The following DCAF5 variants were observed in gnomAD, a reference collection of about 807,000 sequenced individuals.
DCAF5 encodes the protein DDB1- and CUL4-associated factor 5.
Under a neutral mutation model 80.7 loss-of-function variants are expected in DCAF5, and 9 were observed. The observed-to-expected ratio is 0.11, with a 90% CI of 0.07 to 0.19. The LOEUF (loss-of-function observed/expected upper bound fraction) is 0.19, where lower values mean the gene tolerates loss of function less well. Among genes scored for constraint, DCAF5 ranks in the 10% least tolerant of loss-of-function variants. The probability of loss-of-function intolerance (pLI) is 1.00; values close to 1 mark genes in which losing one functional copy is unlikely to be tolerated. For missense variants in DCAF5, 842 were observed against 1,205.7 expected (o/e 0.70, Z 4.47); for synonymous variants, 433 against 461.9 (o/e 0.94, Z 0.80).
Position 69,067,426 on chromosome 14 carries a change from C to T in DCAF5, c.947-4915G>A, listed in dbSNP as rs938290242. On this transcript the variant is annotated intron_variant, in intron 7 of 8. Coordinates refer to ENST00000341516, the MANE Select transcript of DCAF5 (RefSeq NM_003861.3). ...TGGCATGATTTTAGCTCACTGCAAC[C>T]CCCCGCTCCCAGGCTCAAGCAATCC... Among the ~76,000 whole-genome samples the T allele has an allele frequency of 2.7e-5, 4 of 150,698 alleles. No homozygotes were observed. The East Asian group carries it at 7.7e-4, about 29-fold the overall frequency.
Position 69,054,786 on chromosome 14 carries a change from C to T in DCAF5, c.1900G>A (p.Glu634Lys). 1 of 1,614,194 alleles carries T rather than the reference C, an allele frequency of 6.2e-7. No individual in the cohort carries two copies. Among genetic ancestry groups the T allele is most frequent in the Non-Finnish European group, 8.5e-7 (1 of 1,180,044 alleles). The change falls in exon 9 of 9, where the codon GAG becomes AAG. Residue 634 changes from glutamate (E) to lysine (K), a missense_variant. Around this residue, in one of 5 missense-constraint regions of DCAF5, gnomAD observed 607 missense variants for 656.6 expected, o/e 0.92. Coordinates refer to ENST00000341516, the MANE Select transcript of DCAF5 (RefSeq NM_003861.3). Reference sequence around the variant, plus strand: ...ATCTCTAGCGTGGAAGTGCTCCGCTCAGGGGACGAGGTTGGGGAGGAGGAG... The same window carrying T: ...ATCTCTAGCGTGGAAGTGCTCCGCTTAGGGGACGAGGTTGGGGAGGAGGAG... ...DLSSSPTSSP[E>K]RSTSTLEIQP...
chr14:69,054,793 C>T lies in DCAF5; in HGVS notation c.1893G>A (p.Ser631=), dbSNP rs138369508. The change falls in exon 9 of 9, where the codon TCG becomes TCA. Residue 631 remains serine, a synonymous_variant. Transcript: ENST00000341516. ...GCGTGGAAGTGCTCCGCTCAGGGGA[C>T]GAGGTTGGGGAGGAGGAGAGGTCAT... is the stretch of plus-strand genomic sequence containing the variant. ...KVDDLSSSPT[S]SPERSTSTLE... is the part of the protein sequence containing the mutation. 137 of 1,614,166 alleles carry T rather than the reference C, an allele frequency of 8.5e-5. No individual in the cohort carries two copies. The highest frequency in any genetic ancestry group is 1.6e-4 in the African/African-American group (12 of 75,052).
At chr14:69,104,201 T>C (rs763851357) in intron 5 of DCAF5, among the ~76,000 whole-genome samples, 3 of 152,208 alleles carry the variant, frequency 2.0e-5, no homozygotes, top group Non-Finnish European at 2.9e-5. Flanking sequence ...TACCATTACA[T>C]ATTCCCACCA....
chr14:69,084,505 G>T (rs1226308803), intron 6 of DCAF5: 1 of 768,784 alleles, frequency 1.3e-6, no homozygotes, highest in Non-Finnish European at 2.3e-6. Context: ...GCCCGGCAAG[G>T]ATTTCTCTGA....
At chr14:69,123,399 T>C (rs941600085) in intron 1 of DCAF5, among the ~76,000 whole-genome samples, 3 of 152,108 alleles carry the variant, frequency 2.0e-5, no homozygotes, top group Non-Finnish European at 4.4e-5. Context: ...AGTATGCTTA[T>C]ACTCGCATAT....
Position 69,053,900 on chromosome 14 carries a change from G to T in DCAF5, c.2786C>A (p.Thr929Lys). Residue 929 changes from threonine to lysine, a missense_variant, in exon 9 of 9, where the codon ACA becomes AAA. Around this residue, in one of 5 missense-constraint regions of DCAF5, gnomAD observed 607 missense variants for 656.6 expected, o/e 0.92. Transcript: ENST00000341516. ...CTCTGAGGAGGAATTCTCTGAATCTGTATCTTCCAATTCAATTCGTTGCCT... is the reference window on the plus strand; with the variant it reads ...CTCTGAGGAGGAATTCTCTGAATCTTTATCTTCCAATTCAATTCGTTGCCT... ...LKRQRIELED[T>K]DSENSSSEKK... 1 of 1,610,516 alleles carries T rather than the reference G, an allele frequency of 6.2e-7. No homozygotes were observed. The highest frequency in any genetic ancestry group is 8.5e-7 in the Non-Finnish European group (1 of 1,179,450).
At chr14:69,148,566 G>A (rs942120847) in intron 1 of DCAF5, among the ~76,000 whole-genome samples, 2 of 151,962 alleles carry the variant, frequency 1.3e-5, no homozygotes, top group African/African-American at 2.4e-5. Context: ...GTGGAGGCAC[G>A]CACATGTAAT....
At chr14:69,125,809 A>C (rs988663620) in intron 1 of DCAF5, among the ~76,000 whole-genome samples, 1 of 152,188 alleles carries the variant, frequency 6.6e-6, no homozygotes, top group Non-Finnish European at 1.5e-5. Context: ...TAATAAAAGC[A>C]AGTTTCGAAA....
chr14:69,084,228 T>G, intron 6 of DCAF5: 1 of 1,013,346 alleles, frequency 9.9e-7, no homozygotes, highest in Non-Finnish European at 1.6e-6. Context: ...ACCTATGGGT[T>G]GATAATGGGT....
At position 69,144,489 on chromosome 14, in the gene DCAF5, A is replaced by G. The variant is rs1004278737; in HGVS notation, c.214+8276T>C. 4.6e-5 allele frequency among the ~76,000 whole-genome samples: 7 copies of G among 152,034 alleles called. No homozygotes were observed. The South Asian group carries it at 6.2e-4, about 14-fold the overall frequency. The stretch of plus-strand genomic sequence containing the variant: ...CGGGAGGCTGAGGCAGGAGAATGGC[A>G]TGAACCTGGGAGGTGGAGCTTGCAG... On this transcript the variant is annotated intron_variant, in intron 1 of 8. Coordinates refer to ENST00000341516, the MANE Select transcript of DCAF5 (RefSeq NM_003861.3).
In DCAF5 at chr14:69,055,629, A is replaced by C; in HGVS notation, c.1075-18T>G. The C allele has an allele frequency of 6.3e-7, 1 of 1,575,062 alleles. No individual in the cohort carries two copies. The highest frequency in any genetic ancestry group is 8.7e-7 in the Non-Finnish European group (1 of 1,154,670). On this transcript the variant is annotated intron_variant, in intron 8 of 8. Transcript: ENST00000341516. The surrounding 1 kb of genome is among the most constrained non-coding windows in gnomAD (Gnocchi z 5.6). ...CTCCAGATCTGAACAGAAAATGAAA[A>C]ACAAAAGCAACAAGGAGTAACTGGA...
chr14:69,073,077 C>T (rs1436132038), intron 7 of DCAF5, among the ~76,000 whole-genome samples: 1 of 152,196 alleles, frequency 6.6e-6, no homozygotes, highest in Non-Finnish European at 1.5e-5. Flanking sequence ...TCTTATCTGG[C>T]CTGGTCAGAC....
intron 6 of DCAF5, among the ~76,000 whole-genome samples, chr14:69,081,927 C>A (rs1437755172): frequency 6.6e-6 from 1 of 152,136 alleles, no homozygotes; most frequent in Non-Finnish European, 1.5e-5. Context: ...TAATGATTCT[C>A]CAGTAAATGG....
chr14:69,074,134 T>C (rs2038810352), intron 7 of DCAF5, among the ~76,000 whole-genome samples: 1 of 152,236 alleles, frequency 6.6e-6, no homozygotes, highest in Non-Finnish European at 1.5e-5. Flanking sequence ...GGTAAGAATA[T>C]TGTTAATTCA....
intron 5 of DCAF5, among the ~76,000 whole-genome samples, chr14:69,101,115 C>T (rs1445187870): frequency 1.3e-5 from 2 of 152,142 alleles, no homozygotes; most frequent in African/African-American, 2.4e-5. Flanking sequence ...TATGACTTGA[C>T]CCTGACCACA....
intron 7 of DCAF5, among the ~76,000 whole-genome samples, chr14:69,073,002 A>C (rs573503173): frequency 2.4e-4 from 36 of 152,352 alleles, no homozygotes; most frequent in African/African-American, 8.4e-4. Context: ...AAAAAAGCTT[A>C]TGTGACACTG....
chr14:69,060,873 CA>C (rs2038187593), intron 8 of DCAF5, among the ~76,000 whole-genome samples: 1 of 151,962 alleles, frequency 6.6e-6, no homozygotes, highest in Non-Finnish European at 1.5e-5. Context: ...CCATGAAGTA[CA>C]ATTTGATTTA....
intron 6 of DCAF5, chr14:69,083,703 T>C (rs552280829): frequency 1.6e-5 from 10 of 634,274 alleles, no homozygotes; most frequent in African/African-American, 3.6e-5. Flanking sequence ...TGCAGTCTCC[T>C]AATTCAGAAT....
At chr14:69,064,575 A>T (rs770323157) in intron 7 of DCAF5, among the ~76,000 whole-genome samples, 13 of 152,208 alleles carry the variant, frequency 8.5e-5, no homozygotes, top group Non-Finnish European at 1.6e-4. Flanking sequence ...TTTGAATAGG[A>T]ATGGAGTTAG....
Sources: gnomAD v4.1 joint callset for allele counts (sites outside exome capture counted in the v4.1 genomes callset) on GRCh38, gnomAD v4.1.1 for gene constraint, gnomAD v4.1.1 regional missense constraint, Gnocchi (gnomAD v3.1) non-coding constraint, MANE v1.5 for transcripts, NCBI Gene and HGNC (gene_info 2026-07-23, HGNC 2026-07-21) for gene names.